MAST4: variants seen among roughly 807,000 people sequenced by gnomAD.
MAST4 encodes microtubule-associated serine/threonine-protein kinase 4.
Under a neutral mutation model 162.7 loss-of-function variants are expected in MAST4, and 89 were observed. The ratio of observed to expected loss-of-function variants is 0.55; its 90% CI spans 0.46 to 0.65. The LOEUF (loss-of-function observed/expected upper bound fraction) is 0.65. MAST4 is among the 30% of genes least tolerant of loss of function. The pLI, the probability that MAST4 is intolerant of heterozygous loss-of-function variation, is 0.00. For missense variants in MAST4, 3,153 were observed against 3,374.0 expected, an observed-to-expected ratio of 0.93 and a Z score of 1.62; for synonymous variants, 1,479 against 1,361.1, an observed-to-expected ratio of 1.09 and a Z score of -1.91.
intron 12 of MAST4, among the ~76,000 whole-genome samples, chr5:67,117,752 G>A (rs1004688801): frequency 6.6e-6 from 1 of 151,746 alleles, no homozygotes; most frequent in Non-Finnish European, 1.5e-5. Flanking sequence ...AATAAAACAT[G>A]ATTTTTTTAA....
intron 3 of MAST4, among the ~76,000 whole-genome samples, chr5:66,859,094 T>G (rs1286347999): frequency 6.6e-6 from 1 of 152,198 alleles, no homozygotes; most frequent in Non-Finnish European, 1.5e-5. Flanking sequence ...TTCTATCAAC[T>G]GCAAATAGAA....
intron 4 of MAST4, among the ~76,000 whole-genome samples, chr5:66,901,409 CTT>C (rs1041621639): frequency 2.6e-5 from 3 of 116,624 alleles, no homozygotes; most frequent in Non-Finnish European, 3.7e-5. Flanking sequence ...GTAATTTCCT[CTT>C]TTGCACTTGA....
chr5:66,949,054 G>T (rs981860156), intron 4 of MAST4, among the ~76,000 whole-genome samples: 1 of 152,164 alleles, frequency 6.6e-6, no homozygotes, highest in South Asian at 2.1e-4. Flanking sequence ...AACTATGAAT[G>T]CAAACAATAA....
intron 27 of MAST4, among the ~76,000 whole-genome samples, chr5:67,160,968 A>T (rs1773118517): frequency 6.6e-6 from 1 of 152,244 alleles, no homozygotes. Context: ...AAAAACAAAC[A>T]GTTGCTATTT....
chr5:67,088,894 C>T (rs1351139135), intron 5 of MAST4, among the ~76,000 whole-genome samples: 2 of 152,130 alleles, frequency 1.3e-5, no homozygotes, highest in African/African-American at 4.8e-5. Context: ...TGAGAAATTT[C>T]GGTAGAGATA....
chr5:66,633,950 T>A (rs1744942342), intron 1 of MAST4, among the ~76,000 whole-genome samples: 1 of 152,150 alleles, frequency 6.6e-6, no homozygotes, highest in Non-Finnish European at 1.5e-5. Flanking sequence ...ACCATGAGGA[T>A]CATGTTACAC....
At position 66,596,592 on chromosome 5, in the gene MAST4, CG is replaced by C; in HGVS notation, c.-61del. On this transcript the variant is annotated 5_prime_UTR_variant, in exon 1 of 29. Coordinates refer to ENST00000403625, the MANE Select transcript of MAST4 (RefSeq NM_001164664.2). ...TGAGCCCAGGAGCCCGCGTCTTCCC[CG>C]GGAGGCGCTGAGTGCGCGCCGCGCC... 1 of 1,369,438 alleles carries C rather than the reference CG, an allele frequency of 7.3e-7. No homozygotes were observed. The highest frequency in any genetic ancestry group is 9.4e-7 in the Non-Finnish European group (1 of 1,065,548). The allele number at this position is 1,369,438 out of a possible 1,614,324, so 84.8% of individuals were successfully genotyped here. A position where few individuals can be genotyped will look rare whatever the true frequency, so the allele number is the denominator to read the frequency against.
At chr5:67,040,190 A>G (rs1756556637) in intron 4 of MAST4, among the ~76,000 whole-genome samples, 1 of 152,170 alleles carries the variant, frequency 6.6e-6, no homozygotes, top group Non-Finnish European at 1.5e-5. Flanking sequence ...TTATCTAGAA[A>G]TAAGAAACCA....
At chr5:66,746,370 G>A (rs1245768724) in intron 1 of MAST4, among the ~76,000 whole-genome samples, 1 of 152,214 alleles carries the variant, frequency 6.6e-6, no homozygotes, top group Non-Finnish European at 1.5e-5. Context: ...CTGGAACACA[G>A]TCGAACAGAG....
intron 3 of MAST4, among the ~76,000 whole-genome samples, chr5:66,889,961 A>G (rs1295927917): frequency 3.3e-5 from 5 of 152,260 alleles, no homozygotes; most frequent in Non-Finnish European, 7.3e-5. Flanking sequence ...ACTATGAAAC[A>G]TACAATTGAC....
chr5:66,901,348 T>A (rs921678628), intron 4 of MAST4, among the ~76,000 whole-genome samples: 1 of 152,060 alleles, frequency 6.6e-6, no homozygotes, highest in Non-Finnish European at 1.5e-5. Context: ...TCCAACAATA[T>A]TATAAAGATT....
chr5:67,102,765 T>TA (rs973269713), intron 9 of MAST4, among the ~76,000 whole-genome samples, 154 bp downstream of exon 9: 9 of 151,446 alleles, frequency 5.9e-5, no homozygotes, highest in East Asian at 5.8e-4. Context: ...AGAAAATAAC[T>TA]AAAAAAAAAT....
chr5:66,899,220 G>T (rs1762860427), intron 3 of MAST4, among the ~76,000 whole-genome samples: 2 of 152,024 alleles, frequency 1.3e-5, no homozygotes, highest in African/African-American at 4.8e-5. Context: ...TTATTTCTTT[G>T]GTTGGCTTGT....
chr5:66,894,936 C>G (rs934418095), intron 3 of MAST4, among the ~76,000 whole-genome samples: 19 of 152,184 alleles, frequency 1.2e-4, no homozygotes, highest in African/African-American at 4.6e-4. Context: ...ATGTAACCCT[C>G]ACAGGACACC....
intron 4 of MAST4, among the ~76,000 whole-genome samples, chr5:66,967,019 ATAT>A (rs1746818197): frequency 6.6e-6 from 1 of 152,184 alleles, no homozygotes; most frequent in African/African-American, 2.4e-5. Flanking sequence ...TGATGGTCTA[ATAT>A]TATAAATTGC....
At chr5:66,769,804 C>T (rs977459244) in intron 2 of MAST4, among the ~76,000 whole-genome samples, 1 of 152,130 alleles carries the variant, frequency 6.6e-6, no homozygotes, top group African/African-American at 2.4e-5. Context: ...TTTTAAAGGG[C>T]AAAGATCTTT....
At position 66,803,028 on chromosome 5, in the gene MAST4, A is replaced by G. The variant is rs1295058000; in HGVS notation, c.642+14234A>G. Among the ~76,000 whole-genome samples the G allele has an allele frequency of 2.6e-5, 4 of 152,180 alleles. No homozygotes were observed. In the East Asian group the frequency reaches 7.7e-4, roughly 29 times the overall value. Reference sequence around the variant, plus strand: ...TTGAGGGTGAGAAACTTAGGACTGAATTCTAGTACTGACGTTTCTTGGCTC... The same window carrying G: ...TTGAGGGTGAGAAACTTAGGACTGAGTTCTAGTACTGACGTTTCTTGGCTC... On this transcript the variant is annotated intron_variant, in intron 3 of 28. Transcript: ENST00000403625.
chr5:66,753,529 G>T (rs927907751), intron 1 of MAST4, among the ~76,000 whole-genome samples: 1 of 151,698 alleles, frequency 6.6e-6, no homozygotes, highest in Admixed American at 6.6e-5. Context: ...ACACCTCGAC[G>T]CAAATAAACT....
At chr5:66,825,460 G>A (rs1757204189) in intron 3 of MAST4, among the ~76,000 whole-genome samples, 1 of 152,096 alleles carries the variant, frequency 6.6e-6, no homozygotes, top group Non-Finnish European at 1.5e-5. Context: ...GACTGCATGT[G>A]AAAAATATCT....
Sources: gnomAD v4.1 joint callset for allele counts (sites outside exome capture counted in the v4.1 genomes callset) on GRCh38, gnomAD v4.1.1 for gene constraint, MANE v1.5 for transcripts, NCBI Gene and HGNC (gene_info 2026-07-23, HGNC 2026-07-21) for gene names.